The following MAP3K14 variants were observed in gnomAD, a reference collection of about 807,000 sequenced individuals.
MAP3K14 encodes mitogen-activated protein kinase kinase kinase 14.
Under a neutral mutation model 99.2 loss-of-function variants are expected in MAP3K14, and 16 were observed. The ratio of observed to expected loss-of-function variants is 0.16; its 90% CI spans 0.11 to 0.24. The LOEUF (loss-of-function observed/expected upper bound fraction) is 0.24, where lower values mean the gene tolerates loss of function less well. MAP3K14 is among the 10% of genes least tolerant of loss of function. The pLI, the probability that MAP3K14 is intolerant of heterozygous loss-of-function variation, is 1.00. For synonymous variants in MAP3K14, 462 were observed against 492.4 expected (o/e 0.94, Z 0.82); for missense variants, 784 against 1,208.7 (o/e 0.65, Z 5.21).
Position 45,287,242 on chromosome 17 carries a change from CTCT to C in MAP3K14, c.446_448del (p.Lys149del), listed in dbSNP as rs764679785. The C allele has an allele frequency of 2.2e-5, 36 of 1,614,020 alleles. No individual in the cohort carries two copies. Among genetic ancestry groups the C allele is most frequent in the Admixed American group, 3.3e-5 (2 of 60,024 alleles). ...TCCTGCATGAGCCAGGGACTTTGAG[CTCT>C]TCTTCTTCCGTTTCTTCCGGGCTTT... On this transcript the variant is annotated inframe_deletion, in exon 4 of 16. Transcript: ENST00000344686.
rs760254194 is a variant in MAP3K14 at position 45,267,191 on chromosome 17, G to C, written c.2334C>G (p.Phe778Leu). 8.2e-6 allele frequency: 13 copies of C among 1,588,734 alleles called. No individual in the cohort carries two copies. Among genetic ancestry groups the C allele is most frequent in the Non-Finnish European group, 1.1e-5 (13 of 1,166,664 alleles). ...AAAATGGCTGGGACAGGCTGTTGAG[G>C]AATAATTCTGCAGGGAAAAGTGGAA... ...QELQQLEIELFLNSLSQPFSL... is the reference protein window; with the variant it reads ...QELQQLEIELLLNSLSQPFSL... The change falls in exon 13 of 16, where the codon TTC becomes TTG. Residue 778 changes from phenylalanine to leucine, a missense_variant. By Grantham distance (22) the Phe-to-Leu change is conservative. Around this residue, in one of 5 missense-constraint regions of MAP3K14, gnomAD observed 128 missense variants for 143.3 expected, o/e 0.89. Transcript: ENST00000344686. The surrounding 1 kb of genome is among the most constrained non-coding windows in gnomAD (Gnocchi z 5.1).
intron 15 of MAP3K14, 111 bp downstream of exon 15, chr17:45,265,052 G>A (rs2044064559): frequency 2.1e-6 from 2 of 948,154 alleles, no homozygotes; most frequent in African/African-American, 1.6e-5. Flanking sequence ...CCAATTCCAA[G>A]TATTCCCTAG....
intron 6 of MAP3K14, among the ~76,000 whole-genome samples, chr17:45,276,871 A>G (rs1045456347): frequency 9.2e-5 from 10 of 108,520 alleles, no homozygotes; most frequent in African/African-American, 3.0e-4. Flanking sequence ...CTCTGTCACC[A>G]GGCTGGAGTG....
chr17:45,284,635 C>T (rs1015644138), intron 6 of MAP3K14, among the ~76,000 whole-genome samples, 177 bp downstream of exon 6: 6 of 152,192 alleles, frequency 3.9e-5, no homozygotes, highest in East Asian at 1.9e-4. Flanking sequence ...GGCCAGGACA[C>T]GTGACAGGCT....
intron 13 of MAP3K14, 145 bp from the exon 14 acceptor site, chr17:45,266,826 G>A (rs2044089718): frequency 5.8e-6 from 5 of 866,886 alleles, no homozygotes; most frequent in Non-Finnish European, 7.0e-6. Flanking sequence ...ACGAAGGCCT[G>A]CCTCCCCATT....
At chr17:45,291,708 C>T (rs1012636550) in intron 1 of MAP3K14, among the ~76,000 whole-genome samples, 1 of 152,194 alleles carries the variant, frequency 6.6e-6, no homozygotes, top group Non-Finnish European at 1.5e-5. Flanking sequence ...ATTTGGAAAC[C>T]TTTTTAAAGG....
At chr17:45,277,928 T>C (rs1258471056) in intron 6 of MAP3K14, among the ~76,000 whole-genome samples, 3 of 152,214 alleles carry the variant, frequency 2.0e-5, no homozygotes, top group African/African-American at 7.2e-5. Flanking sequence ...AGGGTTGAGA[T>C]GTGCAACAAG....
Position 45,316,999 on chromosome 17 carries a change from C to T in MAP3K14, c.-60G>A, listed in dbSNP as rs1000323241. 6.6e-6 allele frequency: 1 copy of T among 152,282 alleles called. No individual in the cohort carries two copies. Among genetic ancestry groups the T allele is most frequent in the Non-Finnish European group, 1.5e-5 (1 of 68,250 alleles). The allele number at this position is 152,282 out of a possible 1,614,324, so 9.4% of individuals were successfully genotyped here. A position where few individuals can be genotyped will look rare whatever the true frequency, so the allele number is the denominator to read the frequency against. On this transcript the variant is annotated 5_prime_UTR_variant, in exon 1 of 16. Coordinates refer to ENST00000344686, the MANE Select transcript of MAP3K14 (RefSeq NM_003954.5). ...TCTCCCCAACCAAGCGAGTGTTGCG[C>T]TCCGCTCGCCCGCGATCTCCCGCCG...
At chr17:45,270,726 G>C in intron 10 of MAP3K14, 163 bp from the exon 11 acceptor site, 1 of 1,059,348 alleles carries the variant, frequency 9.4e-7, no homozygotes, top group Non-Finnish European at 1.3e-6. Context: ...CTTTTCCCAG[G>C]AAAGGGACAA....
chr17:45,277,300 C>T (rs180786772), intron 6 of MAP3K14, among the ~76,000 whole-genome samples: 1 of 152,226 alleles, frequency 6.6e-6, no homozygotes, highest in East Asian at 1.9e-4. Context: ...CTATTCCTCC[C>T]CCCTCCCCGC....
chr17:45,310,977 G>A (rs1004338763), intron 1 of MAP3K14, among the ~76,000 whole-genome samples: 10 of 152,018 alleles, frequency 6.6e-5, no homozygotes, highest in Non-Finnish European at 1.5e-4. Flanking sequence ...AGAGTGATAG[G>A]GTTGTGGTAG....
intron 9 of MAP3K14, 140 bp downstream of exon 9, chr17:45,273,363 A>G: frequency 1.6e-6 from 1 of 643,002 alleles, no homozygotes; most frequent in Non-Finnish European, 2.8e-6. Flanking sequence ...GAAACCCCTG[A>G]TAATCATCCA....
chr17:45,287,024 C>T lies in MAP3K14; in HGVS notation c.559G>A (p.Ala187Thr), dbSNP rs558318157. 5.6e-5 allele frequency: 91 copies of T among 1,612,348 alleles called. No individual in the cohort carries two copies. Among genetic ancestry groups the T allele is most frequent in the Non-Finnish European group, 7.2e-5 (85 of 1,178,590 alleles). ...TGCGGGGTGTTTCTAACATATGGGG[C>T]GCCGAGTGGAGACTCATCCTCCTGC... is the stretch of plus-strand genomic sequence containing the variant. ...PVQEDESPLG[A>T]PYVRNTPQFT... is the part of the protein sequence containing the mutation. The change falls in exon 5 of 16, where the codon GCC becomes ACC. Residue 187 changes from alanine to threonine, a missense_variant. This residue lies in a region of MAP3K14 where 188 missense variants were observed against 313.0 expected (regional missense o/e 0.60). Coordinates refer to ENST00000344686, the MANE Select transcript of MAP3K14 (RefSeq NM_003954.5).
intron 6 of MAP3K14, among the ~76,000 whole-genome samples, chr17:45,280,825 G>A (rs551523463): frequency 6.2e-4 from 94 of 152,046 alleles, no homozygotes; most frequent in African/African-American, 1.9e-3. Context: ...TGGCCAGGCT[G>A]GTCTCGAACT....
chr17:45,293,846 G>C (rs563958740), intron 1 of MAP3K14, among the ~76,000 whole-genome samples: 5 of 151,840 alleles, frequency 3.3e-5, no homozygotes, highest in African/African-American at 9.7e-5. Context: ...TGCACACACA[G>C]ACACACACAC....
At position 45,267,278 on chromosome 17, in the gene MAP3K14, G is replaced by C. The variant is rs1402421774; in HGVS notation, c.2327-80C>G. 7.3e-7 allele frequency: 1 copy of C among 1,374,564 alleles called. No individual in the cohort carries two copies. Among genetic ancestry groups the C allele is most frequent in the Non-Finnish European group, 1.0e-6 (1 of 985,970 alleles). The allele number at this position is 1,374,564 out of a possible 1,614,324, so 85.1% of individuals were successfully genotyped here. A position where few individuals can be genotyped will look rare whatever the true frequency, so the allele number is the denominator to read the frequency against. On this transcript the variant is annotated intron_variant, in intron 12 of 15. Transcript: ENST00000344686. The surrounding 1 kb of genome is among the most constrained non-coding windows in gnomAD (Gnocchi z 5.1). ...TTTCAGGGGTTCTTCCTGCACAGTC[G>C]GTAGAAGCTGAGCTGCTGGGGAAGG... is the stretch of plus-strand genomic sequence containing the variant.
At chr17:45,293,381 C>T (rs928524510) in intron 1 of MAP3K14, among the ~76,000 whole-genome samples, 3 of 152,170 alleles carry the variant, frequency 2.0e-5, no homozygotes, top group African/African-American at 7.2e-5. Flanking sequence ...CAGGGCATCC[C>T]GAGTCCCAGA....
chr17:45,297,801 C>A (rs2044356952), intron 1 of MAP3K14, among the ~76,000 whole-genome samples: 1 of 149,546 alleles, frequency 6.7e-6, no homozygotes, highest in South Asian at 2.1e-4. Context: ...CTCACTGCAA[C>A]CTCAGCATTC....
In MAP3K14 at chr17:45,263,576, C is replaced by G. The variant is rs2044038133; in HGVS notation, c.*1060G>C. Reference sequence around the variant, plus strand: ...CTACAGTGTCACTGCCCTGCCCTGCCCTGCCAGAGGGCAGCCATGAAAGTG... The same window carrying G: ...CTACAGTGTCACTGCCCTGCCCTGCGCTGCCAGAGGGCAGCCATGAAAGTG... On this transcript the variant is annotated 3_prime_UTR_variant, in exon 16 of 16. Transcript: ENST00000344686. The G allele has an allele frequency of 6.5e-6, 1 of 152,762 alleles. No homozygotes were observed. The highest frequency in any genetic ancestry group is 2.4e-5 in the African/African-American group (1 of 41,466). The allele number at this position is 152,762 out of a possible 1,614,324, so 9.5% of individuals were successfully genotyped here. A position where few individuals can be genotyped will look rare whatever the true frequency, so the allele number is the denominator to read the frequency against.
Sources: gnomAD v4.1 joint callset for allele counts (sites outside exome capture counted in the v4.1 genomes callset) on GRCh38, gnomAD v4.1.1 for gene constraint, gnomAD v4.1.1 regional missense constraint, Gnocchi (gnomAD v3.1) non-coding constraint, MANE v1.5 for transcripts, NCBI Gene and HGNC (gene_info 2026-07-23, HGNC 2026-07-21) for gene names.